The following ACVR1 variants were observed in gnomAD, a reference collection of about 807,000 sequenced individuals.
ACVR1 encodes activin A receptor type 1.
Under a neutral mutation model 57.1 loss-of-function variants are expected in ACVR1, and 38 were observed. The ratio of observed to expected loss-of-function variants is 0.67; its 90% CI spans 0.51 to 0.87. The LOEUF is 0.87. ACVR1 is among the 40% of genes least tolerant of loss of function. The probability of loss-of-function intolerance (pLI) is 0.00; values close to 1 mark genes in which losing one functional copy is unlikely to be tolerated. For synonymous variants in ACVR1, 212 were observed against 228.1 expected (o/e 0.93, Z 0.63); for missense variants, 463 against 638.2 (o/e 0.73, Z 2.96).
intron 7 of ACVR1, among the ~76,000 whole-genome samples, chr2:157,767,990 T>A (rs887476443): frequency 2.0e-5 from 3 of 152,200 alleles, no homozygotes; most frequent in Non-Finnish European, 2.9e-5. Context: ...GATATTAGGT[T>A]CCTGTAGGTC....
intron 1 of ACVR1, among the ~76,000 whole-genome samples, chr2:157,841,089 T>C (rs2105355198): frequency 6.6e-6 from 1 of 152,330 alleles, no homozygotes; most frequent in Non-Finnish European, 1.5e-5. Context: ...TTATGAAATG[T>C]ACATACATGC....
chr2:157,778,214 G>T lies in ACVR1; in HGVS notation c.460C>A (p.Gln154Lys), dbSNP rs1232871090. ...ACGTCTCGGGGATTGAGGCGTTCTT[G>T]GTTGCGCCTTTTAAATTTTCGGAGA... ...VALRKFKRRNQERLNPRDVEY... is the reference protein window; with the variant it reads ...VALRKFKRRNKERLNPRDVEY... Residue 154 changes from glutamine to lysine, a missense_variant, in exon 5 of 11, where the codon CAA (glutamine) becomes AAA (lysine). By Grantham distance (53) the Gln-to-Lys change is moderately conservative. This residue lies in a region of ACVR1 where 203 missense variants were observed against 235.5 expected (regional missense o/e 0.86). Transcript: ENST00000434821. 1 of 1,614,042 alleles carries T rather than the reference G, an allele frequency of 6.2e-7. No individual in the cohort carries two copies. The highest frequency in any genetic ancestry group is 1.1e-5 in the South Asian group (1 of 91,064).
chr2:157,811,658 A>C (rs1028116674), intron 2 of ACVR1, among the ~76,000 whole-genome samples: 5 of 152,128 alleles, frequency 3.3e-5, no homozygotes, highest in African/African-American at 1.2e-4. Context: ...CTGACAGATA[A>C]GGACTTTTTC....
intron 2 of ACVR1, among the ~76,000 whole-genome samples, chr2:157,814,561 C>G (rs1289877818): frequency 6.6e-6 from 1 of 152,196 alleles, no homozygotes; most frequent in Non-Finnish European, 1.5e-5. Context: ...ATAAACAGAG[C>G]AACTTGGCAA....
At chr2:157,790,934 T>C (rs1686886928) in intron 3 of ACVR1, among the ~76,000 whole-genome samples, 1 of 152,212 alleles carries the variant, frequency 6.6e-6, no homozygotes, top group Admixed American at 6.5e-5. Context: ...GGCTCAACTC[T>C]CAACCTTAAT....
At chr2:157,766,963 C>G (rs1387422939) in intron 7 of ACVR1, among the ~76,000 whole-genome samples, 1 of 152,184 alleles carries the variant, frequency 6.6e-6, no homozygotes, top group African/African-American at 2.4e-5. Context: ...AGTGGCAACT[C>G]AACTGGTCTT....
intron 3 of ACVR1, among the ~76,000 whole-genome samples, chr2:157,788,019 G>A (rs972640530): frequency 6.6e-6 from 1 of 152,148 alleles, no homozygotes; most frequent in Admixed American, 6.6e-5. Context: ...AAACTACAGA[G>A]ACAAACCCTT....
chr2:157,820,040 T>C (rs1688109521), intron 1 of ACVR1, among the ~76,000 whole-genome samples: 1 of 152,158 alleles, frequency 6.6e-6, no homozygotes, highest in Non-Finnish European at 1.5e-5. Flanking sequence ...GGAAAAATCT[T>C]CCCATCCACC....
At chr2:157,851,131 A>T (rs573955047) in intron 1 of ACVR1, among the ~76,000 whole-genome samples, 1 of 152,248 alleles carries the variant, frequency 6.6e-6, no homozygotes, top group East Asian at 1.9e-4. Flanking sequence ...TCCAATGCAA[A>T]CTGCTATGGG....
Position 157,825,166 on chromosome 2 carries a change from G to T in ACVR1, c.-182-6607C>A, listed in dbSNP as rs376054718. Among the ~76,000 whole-genome samples, 11 of 152,250 alleles carry T rather than the reference G, an allele frequency of 7.2e-5. No individual in the cohort carries two copies. In the East Asian group the frequency reaches 1.2e-3, roughly 16 times the overall value. ...CTAGTTTAGGAAGGAAATAAACACA[G>T]CCTTTCTGGTTAACTGATGTTACCA... On this transcript the variant is annotated intron_variant, in intron 1 of 10. Coordinates refer to ENST00000434821, the MANE Select transcript of ACVR1 (RefSeq NM_001111067.4).
At chr2:157,740,338 C>G (rs973342586) in intron 9 of ACVR1, among the ~76,000 whole-genome samples, 17 of 152,092 alleles carry the variant, frequency 1.1e-4, no homozygotes, top group African/African-American at 4.1e-4. Flanking sequence ...CTTGGAACAC[C>G]TCATCTTAGA....
chr2:157,775,642 G>A (rs1675592828), intron 5 of ACVR1, among the ~76,000 whole-genome samples: 1 of 152,200 alleles, frequency 6.6e-6, no homozygotes, highest in South Asian at 2.1e-4. Context: ...AAGAAAATGA[G>A]TGTAGATGAA....
chr2:157,800,238 T>G (rs1014676956), intron 2 of ACVR1, among the ~76,000 whole-genome samples: 8 of 152,202 alleles, frequency 5.3e-5, no homozygotes, highest in African/African-American at 1.9e-4. Context: ...GTAAAGTTCT[T>G]TAATGATAGG....
At chr2:157,855,696 C>G (rs1390229639) in intron 1 of ACVR1, among the ~76,000 whole-genome samples, 2 of 152,002 alleles carry the variant, frequency 1.3e-5, no homozygotes, top group Admixed American at 1.3e-4. Context: ...ACTGTAAAGT[C>G]TGGGGGAAGA....
At position 157,876,020 on chromosome 2, in the gene ACVR1, CCCGGCCCTGGGG is replaced by C. The variant is rs1360956786; in HGVS notation, c.-419_-408del. ...GAGCGGTGCGTGGGGCCGGGAGCTT[CCCGGCCCTGGGG>C]CCGGCGCGGCTGGCCGAGGAGCAGG... is the stretch of plus-strand genomic sequence containing the variant. On this transcript the variant is annotated 5_prime_UTR_variant, in exon 1 of 11. Transcript: ENST00000434821. 6.8e-6 allele frequency among the ~76,000 whole-genome samples: 1 copy of C among 147,046 alleles called. No homozygotes were observed. The highest frequency in any genetic ancestry group is 2.5e-5 in the African/African-American group (1 of 40,132).
At chr2:157,848,520 A>G (rs1042574749) in intron 1 of ACVR1, among the ~76,000 whole-genome samples, 1 of 152,202 alleles carries the variant, frequency 6.6e-6, no homozygotes, top group Non-Finnish European at 1.5e-5. Flanking sequence ...GGCCCCAGAC[A>G]TTGTGGAACA....
Position 157,736,987 on chromosome 2 carries a change from T to C in ACVR1, c.*544A>G, listed in dbSNP as rs1376443325. ...CAAAGTCTGACATTACATTTTGTTT[T>C]GCCAAATTGAATTCCTATTATCCAA... On this transcript the variant is annotated 3_prime_UTR_variant, in exon 11 of 11. Coordinates refer to ENST00000434821, the MANE Select transcript of ACVR1 (RefSeq NM_001111067.4). 3.4e-6 allele frequency: 1 copy of C among 290,900 alleles called. No individual in the cohort carries two copies. Among genetic ancestry groups the C allele is most frequent in the East Asian group, 5.3e-5 (1 of 18,964 alleles). The allele number at this position is 290,900 out of a possible 1,614,324, so 18.0% of individuals were successfully genotyped here. A position where few individuals can be genotyped will look rare whatever the true frequency, so the allele number is the denominator to read the frequency against.
intron 7 of ACVR1, among the ~76,000 whole-genome samples, chr2:157,767,580 T>C (rs1455560302): frequency 1.3e-5 from 2 of 152,204 alleles, no homozygotes; most frequent in African/African-American, 4.8e-5. Context: ...AAGAATTAAA[T>C]GACTTATGAA....
rs554603874 is a variant in ACVR1 at position 157,786,909 on chromosome 2, G to A, written c.68-6309C>T. On this transcript the variant is annotated intron_variant, in intron 3 of 10. Transcript: ENST00000434821. The stretch of plus-strand genomic sequence containing the variant: ...TTTGCTGCCATATTTTATCCCTATC[G>A]GTGAAATAATGGCACCTTCAATAGG... 3.3e-5 allele frequency among the ~76,000 whole-genome samples: 5 copies of A among 152,012 alleles called. No homozygotes were observed. In the South Asian group the frequency reaches 6.3e-4, roughly 19 times the overall value.
Sources: gnomAD v4.1 joint callset for allele counts (sites outside exome capture counted in the v4.1 genomes callset) on GRCh38, gnomAD v4.1.1 for gene constraint, gnomAD v4.1.1 regional missense constraint, MANE v1.5 for transcripts, NCBI Gene and HGNC (gene_info 2026-07-23, HGNC 2026-07-21) for gene names.